CCDC63: variants seen among roughly 807,000 people sequenced by gnomAD.
CCDC63 encodes the protein coiled-coil domain-containing protein 63.
Under a neutral mutation model 63.6 loss-of-function variants are expected in CCDC63, and 54 were observed. That is an observed-to-expected ratio of 0.85 (90% CI 0.68 to 1.07). The LOEUF is 1.07. Ranked by LOEUF, CCDC63 falls within the 50% of genes least tolerant of loss-of-function variation. The probability of loss-of-function intolerance (pLI) is 0.00; values close to 1 mark genes in which losing one functional copy is unlikely to be tolerated. For synonymous variants in CCDC63, 253 were observed against 266.1 expected (o/e 0.95, Z 0.48); for missense variants, 637 against 689.6 (o/e 0.92, Z 0.86).
At chr12:110,878,878 G>A (rs771410954) in intron 5 of CCDC63, among the ~76,000 whole-genome samples, 6 of 151,904 alleles carry the variant, frequency 3.9e-5, no homozygotes, top group Non-Finnish European at 5.9e-5. Flanking sequence ...CAATCACATC[G>A]CCTTTAAAAA....
At chr12:110,854,524 T>A (rs1027326587) in intron 3 of CCDC63, among the ~76,000 whole-genome samples, 3 of 151,834 alleles carry the variant, frequency 2.0e-5, no homozygotes, top group Non-Finnish European at 4.4e-5. Context: ...CAAACTCCTG[T>A]CCTCAGATGA....
At chr12:110,871,870 C>A (rs1353527683) in intron 4 of CCDC63, among the ~76,000 whole-genome samples, 1 of 152,182 alleles carries the variant, frequency 6.6e-6, no homozygotes, top group Non-Finnish European at 1.5e-5. Context: ...TAAATCACCT[C>A]TTCCAGGATA....
intron 9 of CCDC63, among the ~76,000 whole-genome samples, chr12:110,897,994 T>C (rs1298469096): frequency 3.9e-5 from 6 of 152,016 alleles, no homozygotes; most frequent in African/African-American, 1.4e-4. Context: ...AAAAAATGAG[T>C]GAACTGGCTG....
chr12:110,874,071 C>G, intron 5 of CCDC63, 110 bp downstream of exon 5: 1 of 1,408,034 alleles, frequency 7.1e-7, no homozygotes, highest in Non-Finnish European at 9.5e-7. Context: ...CCCTGGTTGA[C>G]TCAGGAGCAG....
At chr12:110,844,942 C>A (rs1301939038), upstream of CCDC63, among the ~76,000 whole-genome samples, 2 of 152,198 alleles carry the variant, frequency 1.3e-5, no homozygotes, top group African/African-American at 2.4e-5. Context: ...GGTCCCTCTG[C>A]GGCTTGGCTC....
At chr12:110,896,280 A>G (rs531090099) in intron 9 of CCDC63, among the ~76,000 whole-genome samples, 33 of 152,268 alleles carry the variant, frequency 2.2e-4, no homozygotes, top group African/African-American at 7.9e-4. Flanking sequence ...TGCTGGGATT[A>G]TAGGCGTGAG....
At position 110,899,006 on chromosome 12, in the gene CCDC63, A is replaced by C; in HGVS notation, c.1223A>C (p.Asp408Ala). Residue 408 changes from aspartate to alanine, a missense_variant, in exon 10 of 12, where the codon GAT becomes GCT. Asp to Ala is a moderately radical substitution (Grantham distance 126, BLOSUM62 -2). Transcript: ENST00000308208. The stretch of plus-strand genomic sequence containing the variant: ...TACGGGGAGGTCAGCAAGACCTTGG[A>C]TCTATTGAAGAACTCAGTGGAGAAA... ...SKYGEVSKTL[D>A]LLKNSVEKLF... The C allele has an allele frequency of 6.2e-7, 1 of 1,613,736 alleles. No individual in the cohort carries two copies. The highest frequency in any genetic ancestry group is 2.2e-5 in the East Asian group (1 of 44,866).
At position 110,881,261 on chromosome 12, in the gene CCDC63, G is replaced by T. The variant is rs761590144; in HGVS notation, c.818G>T (p.Arg273Leu). The T allele has an allele frequency of 6.2e-6, 10 of 1,613,480 alleles. No homozygotes were observed. Among genetic ancestry groups the T allele is most frequent in the Admixed American group, 1.7e-5 (1 of 59,930 alleles). The change falls in exon 7 of 12, where the codon CGC (arginine) becomes CTC (leucine). Residue 273 changes from arginine to leucine, a missense_variant. By Grantham distance (102) the Arg-to-Leu change is moderately radical (BLOSUM62 -2). Coordinates refer to ENST00000308208, the MANE Select transcript of CCDC63 (RefSeq NM_152591.3). ...KSFLLVKLND[R>L]NEFEEQAKRE... Reference sequence around the variant, plus strand: ...TTCCTGCTCGTCAAGCTGAATGATCGCAATGAATTCGAGGAGCAGGCCAAA... The same window carrying T: ...TTCCTGCTCGTCAAGCTGAATGATCTCAATGAATTCGAGGAGCAGGCCAAA...
chr12:110,858,475 C>A, intron 3 of CCDC63, 111 bp from the exon 4 acceptor site: 1 of 902,500 alleles, frequency 1.1e-6, no homozygotes, highest in Non-Finnish European at 1.6e-6. Context: ...CCTGCTTGCT[C>A]AGGTGGGAAA....
intron 1 of CCDC63, among the ~76,000 whole-genome samples, chr12:110,848,958 C>T (rs776563022): frequency 6.6e-6 from 1 of 152,154 alleles, no homozygotes; most frequent in Non-Finnish European, 1.5e-5. Flanking sequence ...CCTTGTTAGT[C>T]AGGTAAATCC....
chr12:110,898,880 C>A, intron 9 of CCDC63, 53 bp from the exon 10 acceptor site: 1 of 1,455,610 alleles, frequency 6.9e-7, no homozygotes, highest in Admixed American at 2.2e-5. Flanking sequence ...GTCCCAAACA[C>A]CCTGCCCACT....
At chr12:110,895,394 C>T (rs2071406080) in intron 9 of CCDC63, among the ~76,000 whole-genome samples, 1 of 152,216 alleles carries the variant, frequency 6.6e-6, no homozygotes, top group Admixed American at 6.5e-5. Context: ...GGATTATAGG[C>T]GTGAGTCACT....
intron 4 of CCDC63, among the ~76,000 whole-genome samples, chr12:110,862,388 C>T (rs906667148): frequency 1.3e-5 from 2 of 152,228 alleles, no homozygotes; most frequent in African/African-American, 4.8e-5. Context: ...CCAGGCCCTA[C>T]CTGGCCTTCC....
At chr12:110,855,878 G>C (rs1275435073) in intron 3 of CCDC63, among the ~76,000 whole-genome samples, 1 of 152,010 alleles carries the variant, frequency 6.6e-6, no homozygotes, top group Non-Finnish European at 1.5e-5. Context: ...ACCGCACCAG[G>C]CCAAGTTTAG....
chr12:110,897,814 A>G (rs762759100), intron 9 of CCDC63, among the ~76,000 whole-genome samples: 6 of 150,002 alleles, frequency 4.0e-5, no homozygotes, highest in Non-Finnish European at 8.9e-5. Flanking sequence ...GCTCACTGCA[A>G]TTTCCGTCTC....
At chr12:110,872,965 G>C (rs1017833190) in intron 4 of CCDC63, among the ~76,000 whole-genome samples, 13 of 152,156 alleles carry the variant, frequency 8.5e-5, no homozygotes, top group African/African-American at 2.7e-4. Flanking sequence ...TGGGCATGGT[G>C]GCTCATGCCT....
At chr12:110,855,644 C>T (rs545687886) in intron 3 of CCDC63, among the ~76,000 whole-genome samples, 37 of 152,172 alleles carry the variant, frequency 2.4e-4, no homozygotes, top group African/African-American at 7.2e-4. Flanking sequence ...TGCAATGGTG[C>T]GATCTTGGCT....
intron 4 of CCDC63, among the ~76,000 whole-genome samples, chr12:110,864,176 C>T (rs1443896074): frequency 6.6e-6 from 1 of 152,230 alleles, no homozygotes; most frequent in Non-Finnish European, 1.5e-5. Context: ...GGCCAAGGGC[C>T]AAATCCAGCC....
At chr12:110,901,674 G>A (rs1180970907) in intron 10 of CCDC63, among the ~76,000 whole-genome samples, 4 of 152,094 alleles carry the variant, frequency 2.6e-5, no homozygotes, top group Non-Finnish European at 4.4e-5. Context: ...AAGTGAGGGC[G>A]TGTGAAGTTT....
Sources: allele counts gnomAD v4.1 joint callset (sites outside exome capture counted in the v4.1 genomes callset), GRCh38; gene constraint gnomAD v4.1.1; transcripts MANE v1.5; gene names NCBI Gene and HGNC (gene_info 2026-07-23, HGNC 2026-07-21).